The following GTF3C4 variants were observed in gnomAD, a reference collection of about 807,000 sequenced individuals.
GTF3C4 encodes general transcription factor IIIC subunit 4, also known as general transcription factor 3C polypeptide 4.
GTF3C4 carries 28 observed loss-of-function variants against 67.5 expected under a neutral mutation model. The ratio of observed to expected loss-of-function variants is 0.41; its 90% CI spans 0.31 to 0.57. The LOEUF is 0.57. Ranked by LOEUF, GTF3C4 falls within the 20% of genes least tolerant of loss-of-function variation. The pLI is 0.21. For missense variants in GTF3C4, 831 were observed against 1,033.2 expected (o/e 0.80, Z 2.68); for synonymous variants, 409 against 393.0 (o/e 1.04, Z -0.48).
At position 132,688,962 on chromosome 9, in the gene GTF3C4, A is replaced by C; in HGVS notation, c.*17A>C. Reference sequence around the variant, plus strand: ...GTCTTCTAAATAATCAGTGACGGGAAGATGGAAGGGCATGATGAACTCTGC... The same window carrying C: ...GTCTTCTAAATAATCAGTGACGGGACGATGGAAGGGCATGATGAACTCTGC... On this transcript the variant is annotated 3_prime_UTR_variant, in exon 5 of 5. Transcript: ENST00000372146. 1.3e-6 allele frequency: 2 copies of C among 1,581,908 alleles called. No homozygotes were observed. The highest frequency in any genetic ancestry group is 1.7e-6 in the Non-Finnish European group (2 of 1,151,292).
rs1305692562 is a variant in GTF3C4 at position 132,679,293 on chromosome 9, A to G, written c.1674A>G (p.Gln558=). ...LKDKHIPQFL[Q]EALEKKIESS... ...ATAAACATATCCCTCAATTTTTACA[A>G]GAAGCTTTGGAAAAAAAGATTGAAA... is the stretch of plus-strand genomic sequence containing the variant. The change falls in exon 2 of 5, where the codon CAA becomes CAG. Residue 558 remains glutamine, a synonymous_variant. Coordinates refer to ENST00000372146, the MANE Select transcript of GTF3C4 (RefSeq NM_012204.4). The surrounding 1 kb of genome is among the most constrained non-coding windows in gnomAD (Gnocchi z 5.9). The G allele has an allele frequency of 6.8e-6, 11 of 1,613,812 alleles. No individual in the cohort carries two copies. The East Asian group carries it at 2.2e-4, about 33-fold the overall frequency.
rs1449186648 is a variant in GTF3C4, at chr9:132,690,821, A to G, written c.*1876A>G. ...AAGAGTAAAAATTGAGATCATGTCA[A>G]AAAATTATTGCAGTTTTAATCATTA... is the stretch of plus-strand genomic sequence containing the variant. On this transcript the variant is annotated 3_prime_UTR_variant, in exon 5 of 5. Coordinates refer to ENST00000372146, the MANE Select transcript of GTF3C4 (RefSeq NM_012204.4). The G allele has an allele frequency of 1.3e-5, 2 of 152,190 alleles. No homozygotes were observed. The highest frequency in any genetic ancestry group is 4.8e-5 in the African/African-American group (2 of 41,444). 9.4% of individuals were successfully genotyped at this position (152,190 alleles called of 1,614,324 possible).
chr9:132,671,176 G>T (rs116093131), intron 1 of GTF3C4, among the ~76,000 whole-genome samples: 3,065 of 151,566 alleles, frequency 0.02, 105 homozygotes, highest in African/African-American at 0.07. Context: ...ACCCGCCGCC[G>T]CAAACACAGG....
chr9:132,686,483 T>A (rs1045766006), intron 3 of GTF3C4, among the ~76,000 whole-genome samples: 1 of 152,140 alleles, frequency 6.6e-6, no homozygotes, highest in African/African-American at 2.4e-5. Flanking sequence ...TTTCTGCTCC[T>A]TAGTTGCTCA....
chr9:132,679,527 G>C lies in GTF3C4; in HGVS notation c.1908G>C (p.Leu636=), dbSNP rs770623061. The part of the protein sequence containing the change: ...TSSKQVVKQG[L]QERSKEGDVE... ...CCAAACAGGTGGTGAAGCAAGGCCT[G>C]CAGGAGAGGAGCAAGGAAGGAGATG... The change falls in exon 2 of 5, where the codon CTG becomes CTC. Residue 636 remains leucine, a synonymous_variant. Coordinates refer to ENST00000372146, the MANE Select transcript of GTF3C4 (RefSeq NM_012204.4). This position sits in a 1 kb window ranked among gnomAD's most constrained non-coding sequence, Gnocchi z 5.9. 2 of 1,614,186 alleles carry C rather than the reference G, an allele frequency of 1.2e-6. No individual in the cohort carries two copies. The highest frequency in any genetic ancestry group is 3.3e-5 in the Admixed American group (2 of 60,030).
Position 132,678,509 on chromosome 9 carries a change from A to G in GTF3C4, c.890A>G (p.Lys297Arg). The part of the protein sequence containing the change: ...VWQFQLPFVG[K>R]ESISSCNTIE... ...CAGTTTCAGCTGCCGTTTGTAGGAA[A>G]AGAATCCATCTCTTCATGCAACACA... The change falls in exon 2 of 5, where the codon AAA becomes AGA. Residue 297 changes from lysine (K) to arginine (R), a missense_variant. Physicochemically the swap from Lys to Arg is conservative, Grantham distance 26 (BLOSUM62 2). Transcript: ENST00000372146. This position sits in a 1 kb window ranked among gnomAD's most constrained non-coding sequence, Gnocchi z 6.5. 1.2e-6 allele frequency: 2 copies of G among 1,614,164 alleles called. No homozygotes were observed. Among genetic ancestry groups the G allele is most frequent in the Non-Finnish European group, 1.7e-6 (2 of 1,180,002 alleles).
At chr9:132,686,222 A>C (rs1024850550) in intron 3 of GTF3C4, among the ~76,000 whole-genome samples, 1 of 152,248 alleles carries the variant, frequency 6.6e-6, no homozygotes, top group East Asian at 1.9e-4. Flanking sequence ...CAGAAGCCAC[A>C]TGTGTAAGCA....
chr9:132,688,109 T>TAGGG (rs1257692442), intron 4 of GTF3C4, among the ~76,000 whole-genome samples: 1 of 152,224 alleles, frequency 6.6e-6, no homozygotes, highest in Non-Finnish European at 1.5e-5. Context: ...AGCTTTTTAT[T>TAGGG]AGGGAAACAA....
intron 2 of GTF3C4, among the ~76,000 whole-genome samples, chr9:132,681,810 A>T (rs1398229366): frequency 6.6e-6 from 1 of 152,078 alleles, no homozygotes; most frequent in African/African-American, 2.4e-5. Context: ...ACAAATAGCA[A>T]TCCTTCCTTA....
At position 132,693,702 on chromosome 9, in the gene GTF3C4, A is replaced by G. The variant is rs1328899958; in HGVS notation, c.*4757A>G. 2 of 152,146 alleles carry G rather than the reference A, an allele frequency of 1.3e-5. No homozygotes were observed. Among genetic ancestry groups the G allele is most frequent in the Non-Finnish European group, 2.9e-5 (2 of 68,028 alleles). The allele number at this position is 152,146 out of a possible 1,614,324, so 9.4% of individuals were successfully genotyped here. On this transcript the variant is annotated 3_prime_UTR_variant, in exon 5 of 5. Transcript: ENST00000372146. ...AAATTGGATAATGTAAGAGATAATG[A>G]TGGCTTTGAGGCATTTCATACTTTA... is the stretch of plus-strand genomic sequence containing the variant.
rs369125391 is a variant in GTF3C4, at chr9:132,671,659, T to TA, written c.357+705dup. 3.7e-3 allele frequency among the ~76,000 whole-genome samples: 564 copies of TA among 152,304 alleles called. 2 individuals carry two copies. Among genetic ancestry groups the TA allele is most frequent in the African/African-American group, 0.011 (450 of 41,562 alleles). ...AGCCATAGCGTTCCTTTTAGTTGCT[T>TA]AGAGGTGTAAAAACTTTCCATATAT... On this transcript the variant is annotated intron_variant, in intron 1 of 4. Coordinates refer to ENST00000372146, the MANE Select transcript of GTF3C4 (RefSeq NM_012204.4).
intron 4 of GTF3C4, among the ~76,000 whole-genome samples, chr9:132,687,880 G>A (rs1836055321): frequency 6.6e-6 from 1 of 152,174 alleles, no homozygotes; most frequent in Non-Finnish European, 1.5e-5. Context: ...TGACGCAAAT[G>A]TCAGATTTTG....
chr9:132,682,595 CTTTTTT>C (rs34962674), intron 2 of GTF3C4, among the ~76,000 whole-genome samples: 20 of 92,574 alleles, frequency 2.2e-4, no homozygotes, highest in Admixed American at 2.8e-4. Flanking sequence ...ACAGTATAAT[CTTTTTT>C]TTTTTTTTTT....
At chr9:132,687,696 C>A (rs1309460340) in intron 4 of GTF3C4, among the ~76,000 whole-genome samples, 1 of 152,192 alleles carries the variant, frequency 6.6e-6, no homozygotes, top group Non-Finnish European at 1.5e-5. Context: ...TATACGAAGA[C>A]ATTATTGAAC....
At chr9:132,674,528 G>A (rs1382171252) in intron 1 of GTF3C4, among the ~76,000 whole-genome samples, 1 of 152,088 alleles carries the variant, frequency 6.6e-6, no homozygotes, top group Non-Finnish European at 1.5e-5. Flanking sequence ...ATTTCATCCC[G>A]TGCTGCTGCT....
intron 2 of GTF3C4, among the ~76,000 whole-genome samples, chr9:132,681,194 G>T (rs1195504099): frequency 6.6e-6 from 1 of 152,212 alleles, no homozygotes; most frequent in Non-Finnish European, 1.5e-5. Flanking sequence ...ACCTGGTTAG[G>T]TTTATTATAA....
At chr9:132,681,987 AAAAT>A (rs1835952510) in intron 2 of GTF3C4, among the ~76,000 whole-genome samples, 3 of 132,414 alleles carry the variant, frequency 2.3e-5, no homozygotes, top group Admixed American at 1.5e-4. Flanking sequence ...AAAAAAAAAA[AAAAT>A]TATCCTGGTG....
Position 132,670,582 on chromosome 9 carries a change from T to G in GTF3C4, c.-17T>G. 2 of 1,423,816 alleles carry G rather than the reference T, an allele frequency of 1.4e-6. No individual in the cohort carries two copies. Among genetic ancestry groups the G allele is most frequent in the Non-Finnish European group, 1.8e-6 (2 of 1,093,654 alleles). The allele number at this position is 1,423,816 out of a possible 1,614,324, so 88.2% of individuals were successfully genotyped here. A position where few individuals can be genotyped will look rare whatever the true frequency, so the allele number is the denominator to read the frequency against. On this transcript the variant is annotated 5_prime_UTR_variant, in exon 1 of 5. Coordinates refer to ENST00000372146, the MANE Select transcript of GTF3C4 (RefSeq NM_012204.4). ...GCGTGGAGCGCCAGGGCGTCCGACC[T>G]CTGCACCTGAGAGAAGATGAACACG... is the stretch of plus-strand genomic sequence containing the variant.
Position 132,691,568 on chromosome 9 carries a change from T to C in GTF3C4, c.*2623T>C, listed in dbSNP as rs1290335430. ...ACAACGTGGTTGCATTTGGGGAGTC[T>C]GATACCCACATAGGTATCACATTTT... On this transcript the variant is annotated 3_prime_UTR_variant, in exon 5 of 5. Coordinates refer to ENST00000372146, the MANE Select transcript of GTF3C4 (RefSeq NM_012204.4). 6.6e-6 allele frequency: 1 copy of C among 152,254 alleles called. No homozygotes were observed. Among genetic ancestry groups the C allele is most frequent in the Non-Finnish European group, 1.5e-5 (1 of 68,046 alleles). The allele number at this position is 152,254 out of a possible 1,614,324, so 9.4% of individuals were successfully genotyped here.
Sources: allele counts gnomAD v4.1 joint callset (sites outside exome capture counted in the v4.1 genomes callset), GRCh38; gene constraint gnomAD v4.1.1; non-coding constraint Gnocchi (gnomAD v3.1); transcripts MANE v1.5; gene names NCBI Gene and HGNC (gene_info 2026-07-23, HGNC 2026-07-21).